The following SLC6A16 variants were observed in gnomAD, a reference collection of about 807,000 sequenced individuals.
The protein encoded by SLC6A16 is solute carrier family 6 member 16.
SLC6A16 carries 54 observed loss-of-function variants against 65.4 expected under a neutral mutation model. That is an observed-to-expected ratio of 0.83 (90% CI 0.66 to 1.04). The LOEUF (loss-of-function observed/expected upper bound fraction) is 1.04, where lower values mean the gene tolerates loss of function less well. SLC6A16 is among the 50% of genes least tolerant of loss of function. SLC6A16 has a pLI of 0.00. For synonymous variants in SLC6A16, 330 were observed against 346.5 expected, an observed-to-expected ratio of 0.95 and a Z score of 0.53; for missense variants, 816 against 914.0, an observed-to-expected ratio of 0.89 and a Z score of 1.38.
At chr19:49,312,902 G>A (rs1045730885) in intron 1 of SLC6A16, among the ~76,000 whole-genome samples, 3 of 152,066 alleles carry the variant, frequency 2.0e-5, no homozygotes, top group African/African-American at 7.2e-5. Context: ...ATGAAAGGCT[G>A]AAAGGAAATA....
rs1970129481 is a variant in SLC6A16, at chr19:49,293,889, C to A, written c.1556G>T (p.Gly519Val). The change falls in exon 9 of 12, where the codon GGC (glycine) becomes GTC (valine). Residue 519 changes from glycine (G) to valine (V), a missense_variant. Transcript: ENST00000335875. Reference protein sequence around the residue: ...GLSSAIGIMQGIITPLQDTFS... With the variant: ...GLSSAIGIMQVIITPLQDTFS... ...GGTGTCCTGGAGTGGAGTAATGATGCCCTGCATAATCCCTATTGCGCTGCT... is the reference window on the plus strand; with the variant it reads ...GGTGTCCTGGAGTGGAGTAATGATGACCTGCATAATCCCTATTGCGCTGCT... The A allele has an allele frequency of 1.9e-6, 3 of 1,613,964 alleles. No homozygotes were observed. The highest frequency in any genetic ancestry group is 2.5e-6 in the Non-Finnish European group (3 of 1,179,994).
At position 49,310,370 on chromosome 19, in the gene SLC6A16, C is replaced by G. The variant is rs1245352709; in HGVS notation, c.556G>C (p.Gly186Arg). The change falls in exon 3 of 12, where the codon GGG (glycine) becomes CGG (arginine). Residue 186 changes from glycine (G) to arginine (R), a missense_variant. Transcript: ENST00000335875. ...KIIAPWIGGV[G>R]YSSFMVCFIL... is the part of the protein sequence containing the mutation. The stretch of plus-strand genomic sequence containing the variant: ...CTCCTCACCATGAAGCTAGAATACC[C>G]CACACCACCAATCCAGGGGGCAATG... 2 of 1,613,902 alleles carry G rather than the reference C, an allele frequency of 1.2e-6. No homozygotes were observed. The highest frequency in any genetic ancestry group is 1.7e-6 in the Non-Finnish European group (2 of 1,179,992).
intron 1 of SLC6A16, among the ~76,000 whole-genome samples, chr19:49,320,774 A>T (rs1383171212): frequency 6.6e-6 from 1 of 152,212 alleles, no homozygotes; most frequent in Non-Finnish European, 1.5e-5. Context: ...CCTAGATTAA[A>T]TGGACAAATT....
chr19:49,293,480 G>A (rs778910840), intron 9 of SLC6A16, 98 bp from the exon 10 acceptor site: 437 of 1,203,284 alleles, frequency 3.6e-4, no homozygotes, highest in Non-Finnish European at 4.9e-4. Context: ...CAGACCCAGT[G>A]GTAGCCGGGC....
chr19:49,332,021 T>C, the SLC6A16 span: 1 of 450,888 alleles, frequency 2.2e-6, no homozygotes, highest in Non-Finnish European at 4.5e-6. Context: ...TACCACAGAC[T>C]TACTACTTAG....
At chr19:49,339,704 G>T in the SLC6A16 span, 17 of 1,403,564 alleles carry the variant, frequency 1.2e-5, no homozygotes, top group Non-Finnish European at 1.6e-5. This position sits in a 1 kb window ranked among gnomAD's most constrained non-coding sequence, Gnocchi z 4.5. Flanking sequence ...AGGGCACTCC[G>T]CCGGAAATGC....
rs1449017274 is a variant in SLC6A16, at chr19:49,290,340, G to T, written c.1994C>A (p.Thr665Asn). Reference protein sequence around the residue: ...YPPWALLLMITLFAIVILPIP... With the variant: ...YPPWALLLMINLFAIVILPIP... ...GGGGAGGATGACAATGGCAAAAAGG[G>T]TGATCATCAAGAGCAGTGCCCACGG... is the stretch of plus-strand genomic sequence containing the variant. The change falls in exon 12 of 12, where the codon ACC (threonine) becomes AAC (asparagine). Residue 665 changes from threonine to asparagine, a missense_variant. Physicochemically the swap from Thr to Asn is moderately conservative, Grantham distance 65. Transcript: ENST00000335875. The T allele has an allele frequency of 6.2e-7, 1 of 1,613,938 alleles. No homozygotes were observed. Among genetic ancestry groups the T allele is most frequent in the Non-Finnish European group, 8.5e-7 (1 of 1,180,008 alleles).
the SLC6A16 span, chr19:49,338,019 T>C: frequency 7.4e-6 from 12 of 1,613,874 alleles, no homozygotes; most frequent in Non-Finnish European, 1.0e-5. This position sits in a 1 kb window ranked among gnomAD's most constrained non-coding sequence, Gnocchi z 5.0. Context: ...TGGGACTATG[T>C]GCAGTTCCAG....
intron 7 of SLC6A16, among the ~76,000 whole-genome samples, chr19:49,301,486 C>G (rs532603091): frequency 3.9e-5 from 6 of 152,310 alleles, no homozygotes; most frequent in African/African-American, 1.2e-4. Flanking sequence ...TAGCACACTT[C>G]TGTACTGAGG....
At chr19:49,319,550 A>G (rs919300825) in intron 1 of SLC6A16, among the ~76,000 whole-genome samples, 1 of 151,276 alleles carries the variant, frequency 6.6e-6, no homozygotes, top group Non-Finnish European at 1.5e-5. Context: ...ATATATACAT[A>G]TACATATATA....
At chr19:49,332,140 C>G in the SLC6A16 span, 1 of 456,594 alleles carries the variant, frequency 2.2e-6, no homozygotes, top group African/African-American at 2.0e-5. Flanking sequence ...CAGTTCTTTG[C>G]ATCTTCCATC....
chr19:49,296,010 G>A (rs562132036), intron 7 of SLC6A16, among the ~76,000 whole-genome samples: 9 of 151,700 alleles, frequency 5.9e-5, no homozygotes, highest in Non-Finnish European at 1.2e-4. Flanking sequence ...TTTTTTTTGA[G>A]ATGGAGCCTC....
chr19:49,340,231 C>T, the SLC6A16 span: 3 of 1,605,686 alleles, frequency 1.9e-6, no homozygotes, highest in Non-Finnish European at 8.5e-7. Context: ...CTTCTCTGAC[C>T]TCATCTCCTT....
the SLC6A16 span, among the ~76,000 whole-genome samples, chr19:49,334,122 G>T: frequency 1.3e-5 from 2 of 150,156 alleles, no homozygotes; most frequent in Non-Finnish European, 3.0e-5. Flanking sequence ...GCACCTGGGT[G>T]CTCCCTGGTC....
intron 1 of SLC6A16, among the ~76,000 whole-genome samples, chr19:49,324,103 G>T (rs1970759435): frequency 6.6e-6 from 1 of 152,074 alleles, no homozygotes; most frequent in Non-Finnish European, 1.5e-5. Flanking sequence ...GCTGAGGCGG[G>T]TGGATCGGCT....
intron 1 of SLC6A16, among the ~76,000 whole-genome samples, chr19:49,319,838 ATAGAAT>A (rs981594623): frequency 6.6e-6 from 1 of 152,154 alleles, no homozygotes; most frequent in Non-Finnish European, 1.5e-5. Flanking sequence ...TTTTTTCTCA[ATAGAAT>A]TAGAATGATA....
At chr19:49,307,265 C>T (rs1477788722) in intron 7 of SLC6A16, among the ~76,000 whole-genome samples, 1 of 151,520 alleles carries the variant, frequency 6.6e-6, no homozygotes, top group African/African-American at 2.4e-5. Flanking sequence ...ATTACACTCC[C>T]ACCAGACTGG....
At chr19:49,291,064 C>T (rs987800328) in intron 10 of SLC6A16, among the ~76,000 whole-genome samples, 1 of 152,156 alleles carries the variant, frequency 6.6e-6, no homozygotes, top group African/African-American at 2.4e-5. Flanking sequence ...CTATGATGTG[C>T]CAGGAACTCT....
In SLC6A16 at chr19:49,293,912, G is replaced by T; in HGVS notation, c.1533C>A (p.Ser511Arg). Residue 511 changes from serine (S) to arginine (R), a missense_variant, in exon 9 of 12, where the codon AGC becomes AGA. Coordinates refer to ENST00000335875, the MANE Select transcript of SLC6A16 (RefSeq NM_014037.3). ...TGCCCTGCATAATCCCTATTGCGCT[G>T]CTCAGCCCCATGGCCAGCAACATCA... The part of the protein sequence containing the change: ...FFLMLLAMGL[S>R]SAIGIMQGII... 6.2e-7 allele frequency: 1 copy of T among 1,613,986 alleles called. No individual in the cohort carries two copies. The highest frequency in any genetic ancestry group is 1.1e-5 in the South Asian group (1 of 91,076).
Sources: allele counts gnomAD v4.1 joint callset (sites outside exome capture counted in the v4.1 genomes callset), GRCh38; gene constraint gnomAD v4.1.1; non-coding constraint Gnocchi (gnomAD v3.1); transcripts MANE v1.5; gene names NCBI Gene and HGNC (gene_info 2026-07-23, HGNC 2026-07-21).